The following EHBP1 variants were observed in gnomAD, a reference collection of about 807,000 sequenced individuals.
EHBP1 encodes EH domain-binding protein 1.
A neutral mutation model predicts 144.0 loss-of-function variants in EHBP1; 55 were observed. That is an observed-to-expected ratio of 0.38 (90% confidence interval 0.31 to 0.48). EHBP1 has a LOEUF of 0.48. Among genes scored for constraint, EHBP1 ranks in the 20% least tolerant of loss-of-function variants. EHBP1 has a pLI of 0.98. For missense variants in EHBP1, 1,200 were observed against 1,364.2 expected, an observed-to-expected ratio of 0.88 and a Z score of 1.90; for synonymous variants, 469 against 472.7, an observed-to-expected ratio of 0.99 and a Z score of 0.10.
rs2038097593 is a variant in EHBP1 at position 62,736,159 on chromosome 2, T to A, written c.105-11236T>A. 2.0e-5 allele frequency among the ~76,000 whole-genome samples: 3 copies of A among 151,942 alleles called. No individual in the cohort carries two copies. In the South Asian group the frequency reaches 6.2e-4, roughly 31 times the overall value. On this transcript the variant is annotated intron_variant, in intron 2 of 22. Transcript: ENST00000431489. ...TTCTATTATGTGTAGTGACATCTTTTGTAGTTGTTCCGCAGTCTTTGGATA... is the reference window on the plus strand; with the variant it reads ...TTCTATTATGTGTAGTGACATCTTTAGTAGTTGTTCCGCAGTCTTTGGATA...
intron 1 of EHBP1, among the ~76,000 whole-genome samples, chr2:62,692,207 G>A (rs534849501): frequency 3.3e-5 from 5 of 152,248 alleles, no homozygotes; most frequent in African/African-American, 9.6e-5. Context: ...GTGAATCAAT[G>A]CTTCATTCAT....
At chr2:62,763,384 G>A (rs2040915026) in intron 3 of EHBP1, among the ~76,000 whole-genome samples, 1 of 152,100 alleles carries the variant, frequency 6.6e-6, no homozygotes, top group Admixed American at 6.6e-5. Context: ...TATCAATTAA[G>A]CAAATGAGTG....
At chr2:63,024,545 T>C (rs917671204) in intron 19 of EHBP1, among the ~76,000 whole-genome samples, 1 of 139,414 alleles carries the variant, frequency 7.2e-6, no homozygotes, top group Non-Finnish European at 1.5e-5. Flanking sequence ...AAGGCTATAG[T>C]GAGCTGTGAT....
intron 19 of EHBP1, among the ~76,000 whole-genome samples, chr2:63,035,987 T>C (rs1260265662): frequency 6.6e-6 from 1 of 152,030 alleles, no homozygotes; most frequent in Non-Finnish European, 1.5e-5. Flanking sequence ...GAATCTGTCC[T>C]AAGTCGGCTT....
chr2:62,859,193 T>C lies in EHBP1; in HGVS notation c.659T>C (p.Leu220Ser), dbSNP rs2049311692. The change falls in exon 8 of 23, where the codon TTG becomes TCG. Residue 220 changes from leucine (L) to serine (S), a missense_variant. Coordinates refer to ENST00000431489, the MANE Select transcript of EHBP1 (RefSeq NM_001142616.3). ...ITELINKLNF[L>S]DEAEKDLATV... ...GAGCTTATCAACAAACTTAACTTTT[T>C]GGATGAAGCAGAAAAGGACTTGGCC... 5 of 1,612,078 alleles carry C rather than the reference T, an allele frequency of 3.1e-6. No homozygotes were observed. The highest frequency in any genetic ancestry group is 4.2e-6 in the Non-Finnish European group (5 of 1,178,708).
At chr2:62,796,326 C>G (rs1049733363) in intron 5 of EHBP1, among the ~76,000 whole-genome samples, 1 of 151,966 alleles carries the variant, frequency 6.6e-6, no homozygotes. Context: ...ATTTATGTTA[C>G]TGACAAAATT....
At chr2:62,903,501 G>A (rs1352374946) in intron 10 of EHBP1, among the ~76,000 whole-genome samples, 1 of 152,116 alleles carries the variant, frequency 6.6e-6, no homozygotes, top group African/African-American at 2.4e-5. Flanking sequence ...AGTGACTCAC[G>A]CCTGCAATCC....
intron 9 of EHBP1, among the ~76,000 whole-genome samples, chr2:62,870,162 A>G (rs1430251651): frequency 6.6e-6 from 1 of 152,190 alleles, no homozygotes; most frequent in African/African-American, 2.4e-5. Context: ...GATTCATGAA[A>G]GTTTGGGGTA....
intron 3 of EHBP1, among the ~76,000 whole-genome samples, chr2:62,750,211 CTT>C (rs1381207091): frequency 1.3e-5 from 2 of 152,018 alleles, no homozygotes; most frequent in Non-Finnish European, 2.9e-5. Flanking sequence ...TGGCTAGCCA[CTT>C]TTCCCAGCAC....
chr2:62,792,694 TCAAA>T (rs946247308), intron 5 of EHBP1, among the ~76,000 whole-genome samples: 5 of 152,088 alleles, frequency 3.3e-5, no homozygotes, highest in African/African-American at 1.2e-4. Context: ...TTTTGTACAC[TCAAA>T]CAATACCCAG....
chr2:62,739,772 C>CA (rs899690226), intron 2 of EHBP1, among the ~76,000 whole-genome samples: 4 of 151,068 alleles, frequency 2.6e-5, no homozygotes, highest in Non-Finnish European at 4.4e-5. Flanking sequence ...GCAATCTCTA[C>CA]AAAAAAAATT....
At chr2:62,755,481 G>A (rs1026515231) in intron 3 of EHBP1, among the ~76,000 whole-genome samples, 5 of 151,670 alleles carry the variant, frequency 3.3e-5, no homozygotes, top group African/African-American at 1.2e-4. Flanking sequence ...AAGTGTCTTT[G>A]GGGAAAAGTA....
chr2:63,020,341 A>T (rs532846003), intron 19 of EHBP1, among the ~76,000 whole-genome samples: 1 of 150,452 alleles, frequency 6.6e-6, no homozygotes, highest in Non-Finnish European at 1.5e-5. Flanking sequence ...AAAAAAAAAA[A>T]AAAAAGAAAA....
chr2:63,028,225 G>A (rs1009941958), intron 19 of EHBP1, among the ~76,000 whole-genome samples: 4 of 152,064 alleles, frequency 2.6e-5, no homozygotes, highest in Middle Eastern at 3.4e-3. Context: ...AAATATATAC[G>A]CTTTTTGTCA....
chr2:62,730,624 T>TAG (rs898881603), intron 2 of EHBP1, among the ~76,000 whole-genome samples: 54 of 149,774 alleles, frequency 3.6e-4, no homozygotes, highest in South Asian at 1.5e-3. Flanking sequence ...TCTTTTTTTT[T>TAG]AGAGAGAGAG....
intron 5 of EHBP1, among the ~76,000 whole-genome samples, chr2:62,802,727 T>C (rs1185071131): frequency 6.9e-6 from 1 of 145,802 alleles, no homozygotes; most frequent in East Asian, 2.0e-4. Context: ...TACTTTTTTT[T>C]TTTTTTTTTT....
At chr2:62,863,470 G>T (rs1178957118) in intron 8 of EHBP1, among the ~76,000 whole-genome samples, 2 of 152,034 alleles carry the variant, frequency 1.3e-5, no homozygotes, top group Non-Finnish European at 2.9e-5. Context: ...AAGCACCATT[G>T]TTTTCAAATT....
chr2:62,786,304 G>A (rs1409065448), intron 5 of EHBP1, among the ~76,000 whole-genome samples: 1 of 151,976 alleles, frequency 6.6e-6, no homozygotes, highest in East Asian at 1.9e-4. Context: ...TTTTTTCAAG[G>A]CAGTTGGATT....
At chr2:62,721,553 A>C (rs1281653213) in intron 2 of EHBP1, among the ~76,000 whole-genome samples, 5 of 152,240 alleles carry the variant, frequency 3.3e-5, no homozygotes, top group Admixed American at 3.3e-4. Flanking sequence ...AGAACTAATA[A>C]ATACTGGGGG....
Sources: allele counts gnomAD v4.1 joint callset (sites outside exome capture counted in the v4.1 genomes callset), GRCh38; gene constraint gnomAD v4.1.1; transcripts MANE v1.5; gene names NCBI Gene and HGNC (gene_info 2026-07-23, HGNC 2026-07-21).